Variants in PTCHD4 observed in about 807,000 individuals in gnomAD.
PTCHD4 encodes patched domain containing 4.
PTCHD4 carries 33 observed loss-of-function variants against 58.1 expected under a neutral mutation model. The ratio of observed to expected loss-of-function variants is 0.57; its 90% CI spans 0.43 to 0.76. The LOEUF (loss-of-function observed/expected upper bound fraction) is 0.76, where lower values mean the gene tolerates loss of function less well. Among genes scored for constraint, PTCHD4 ranks in the 30% least tolerant of loss-of-function variants. The probability of loss-of-function intolerance (pLI) is 0.00; values close to 1 mark genes in which losing one functional copy is unlikely to be tolerated. For missense variants in PTCHD4, 1,058 were observed against 1,027.1 expected (o/e 1.03, Z -0.41); for synonymous variants, 478 against 409.6 (o/e 1.17, Z -2.02).
chr6:47,912,635 T>C (rs1765106191), intron 4 of PTCHD4, among the ~76,000 whole-genome samples: 1 of 152,116 alleles, frequency 6.6e-6, no homozygotes, highest in Admixed American at 6.6e-5. Flanking sequence ...ATAATTCAAA[T>C]GAATAAGAAT....
intron 3 of PTCHD4, among the ~76,000 whole-genome samples, chr6:48,037,414 G>C (rs1339725090): frequency 1.3e-5 from 2 of 152,150 alleles, no homozygotes; most frequent in African/African-American, 4.8e-5. Flanking sequence ...GGGAACTACT[G>C]TACTTAAAGT....
chr6:48,102,008 G>T (rs1028709282), intron 1 of PTCHD4, among the ~76,000 whole-genome samples: 3 of 152,148 alleles, frequency 2.0e-5, no homozygotes, highest in Non-Finnish European at 4.4e-5. Flanking sequence ...TCATGATTTT[G>T]CTGCCACAAA....
chr6:47,899,436 A>G (rs912069142), intron 4 of PTCHD4, among the ~76,000 whole-genome samples: 1 of 152,228 alleles, frequency 6.6e-6, no homozygotes, highest in East Asian at 1.9e-4. Context: ...ATTGTGCTCC[A>G]TAACATAGGT....
chr6:48,035,979 C>T (rs1763619464), intron 3 of PTCHD4, among the ~76,000 whole-genome samples: 1 of 152,084 alleles, frequency 6.6e-6, no homozygotes, highest in Non-Finnish European at 1.5e-5. Flanking sequence ...AGATCACCCC[C>T]TGAATAAACC....
chr6:47,880,337 T>C (rs1453196198), intron 4 of PTCHD4, among the ~76,000 whole-genome samples: 4 of 152,216 alleles, frequency 2.6e-5, no homozygotes, highest in African/African-American at 9.6e-5. Flanking sequence ...CTTGGTTAAC[T>C]GATTCATTGA....
chr6:47,949,363 G>GAAAGGGTCTTT (rs1441253959), intron 4 of PTCHD4, among the ~76,000 whole-genome samples: 1 of 152,150 alleles, frequency 6.6e-6, no homozygotes, highest in Non-Finnish European at 1.5e-5. Flanking sequence ...GATATGACCA[G>GAAAGGGTCTTT]GTGGGGCAGA....
rs1763732380 is a variant in PTCHD4, at chr6:47,872,251, T to C, written c.*6052A>G. On this transcript the variant is annotated 3_prime_UTR_variant, in exon 5 of 5. Transcript: ENST00000339488. ...GTTATACATTTTTATTAAACACCAG[T>C]AATCTTTCGTCCATGAGAGTGTTTC... Among the ~76,000 whole-genome samples the C allele has an allele frequency of 6.6e-6, 1 of 151,700 alleles. No homozygotes were observed. The highest frequency in any genetic ancestry group is 1.5e-5 in the Non-Finnish European group (1 of 67,760).
At chr6:47,978,610 A>G (rs768110614) in intron 4 of PTCHD4, among the ~76,000 whole-genome samples, 1 of 152,114 alleles carries the variant, frequency 6.6e-6, no homozygotes, top group Non-Finnish European at 1.5e-5. Context: ...CATTCTTCCT[A>G]TGTTCCAGGT....
chr6:47,924,005 A>C (rs953050159), intron 4 of PTCHD4, among the ~76,000 whole-genome samples: 1 of 151,928 alleles, frequency 6.6e-6, no homozygotes. Flanking sequence ...GATGGTCAGC[A>C]CTCCCCTTGA....
intron 4 of PTCHD4, among the ~76,000 whole-genome samples, chr6:47,894,960 C>T (rs1019009420): frequency 2.9e-4 from 44 of 152,110 alleles, no homozygotes; most frequent in African/African-American, 1.0e-3. Context: ...GGTGAAACCT[C>T]GTCTCCACTA....
At chr6:48,005,480 A>G (rs1359194801) in intron 4 of PTCHD4, among the ~76,000 whole-genome samples, 1 of 152,216 alleles carries the variant, frequency 6.6e-6, no homozygotes, top group Non-Finnish European at 1.5e-5. Context: ...ATTCATCAAA[A>G]ACTGGTTTCA....
At chr6:48,104,242 C>G (rs964259070) in intron 1 of PTCHD4, among the ~76,000 whole-genome samples, 1 of 152,226 alleles carries the variant, frequency 6.6e-6, no homozygotes, top group Admixed American at 6.5e-5. Flanking sequence ...ATCAGACTAA[C>G]AGCTGATCTC....
intron 3 of PTCHD4, among the ~76,000 whole-genome samples, chr6:48,055,364 T>A (rs1369269884): frequency 2.6e-5 from 4 of 152,170 alleles, no homozygotes; most frequent in Non-Finnish European, 5.9e-5. Flanking sequence ...GAGGGAAAGA[T>A]GGGGAGTGAG....
At chr6:48,077,752 C>A (rs149908647) in intron 1 of PTCHD4, among the ~76,000 whole-genome samples, 2 of 152,154 alleles carry the variant, frequency 1.3e-5, no homozygotes, top group African/African-American at 2.4e-5. Context: ...GGGGAATAGG[C>A]AGACTTGATG....
chr6:48,000,813 C>A lies in PTCHD4; in HGVS notation c.898+7821G>T, dbSNP rs1768691070. 2.6e-5 allele frequency among the ~76,000 whole-genome samples: 4 copies of A among 152,316 alleles called. No individual in the cohort carries two copies. The South Asian group carries it at 8.3e-4, about 32-fold the overall frequency. ...CCTTTCCTACTCAGTGGCATTGCTT[C>A]TGCAGTTTCTTCCTCTCTCTGCTTT... On this transcript the variant is annotated intron_variant, in intron 4 of 4. Coordinates refer to ENST00000339488, the MANE Select transcript of PTCHD4 (RefSeq NM_001384253.1).
chr6:48,012,381 A>T (rs1762710385), intron 3 of PTCHD4, among the ~76,000 whole-genome samples: 1 of 151,876 alleles, frequency 6.6e-6, no homozygotes, highest in African/African-American at 2.4e-5. Context: ...TTTGTCTATT[A>T]TTGGTGTATA....
At chr6:48,056,325 C>T (rs551967745) in intron 3 of PTCHD4, among the ~76,000 whole-genome samples, 31 of 152,222 alleles carry the variant, frequency 2.0e-4, no homozygotes, top group Non-Finnish European at 2.8e-4. Flanking sequence ...TAACAGTATG[C>T]TTCACCTTTG....
At chr6:48,091,413 C>A (rs1028770216) in intron 1 of PTCHD4, among the ~76,000 whole-genome samples, 3 of 151,976 alleles carry the variant, frequency 2.0e-5, no homozygotes, top group Admixed American at 6.6e-5. Flanking sequence ...CCCACCCAGA[C>A]CTTCTGAATC....
At chr6:47,957,007 T>C (rs1386769209) in intron 4 of PTCHD4, among the ~76,000 whole-genome samples, 1 of 151,490 alleles carries the variant, frequency 6.6e-6, no homozygotes, top group Admixed American at 6.6e-5. Context: ...CTATTAAAAA[T>C]ACAAAAATTA....
Sources: allele counts gnomAD v4.1 joint callset (sites outside exome capture counted in the v4.1 genomes callset), GRCh38; gene constraint gnomAD v4.1.1; transcripts MANE v1.5; gene names NCBI Gene and HGNC (gene_info 2026-07-23, HGNC 2026-07-21).